Variants in KCTD8 observed in about 807,000 individuals in gnomAD.
The protein encoded by KCTD8 is potassium channel tetramerization domain containing 8, also known as BTB/POZ domain-containing protein KCTD8.
Under a neutral mutation model 31.5 loss-of-function variants are expected in KCTD8, and 27 were observed. That is an observed-to-expected ratio of 0.86 (90% CI 0.63 to 1.18). The LOEUF (loss-of-function observed/expected upper bound fraction) is 1.18. Ranked by LOEUF, KCTD8 falls within the 50% of genes most tolerant of loss-of-function variation. KCTD8 has a pLI of 0.00. For synonymous variants in KCTD8, 290 were observed against 280.0 expected (o/e 1.04, Z -0.36); for missense variants, 658 against 647.7 (o/e 1.02, Z -0.17).
At chr4:44,228,078 T>C (rs530099702) in intron 1 of KCTD8, among the ~76,000 whole-genome samples, 2 of 152,322 alleles carry the variant, frequency 1.3e-5, no homozygotes, top group South Asian at 4.1e-4. Context: ...TGGCCTCATC[T>C]ATCTTTCCAG....
At chr4:44,336,364 T>C (rs1324688726) in intron 1 of KCTD8, among the ~76,000 whole-genome samples, 4 of 151,594 alleles carry the variant, frequency 2.6e-5, no homozygotes, top group East Asian at 3.9e-4. Flanking sequence ...CTTCACAGAA[T>C]TGAAAATTTA....
chr4:44,300,890 C>A (rs1418599767), intron 1 of KCTD8, among the ~76,000 whole-genome samples: 2 of 139,420 alleles, frequency 1.4e-5, no homozygotes, highest in African/African-American at 5.3e-5. Context: ...CAACAGTCCC[C>A]AGAGTGTGAT....
chr4:44,432,457 T>A (rs967785790), intron 1 of KCTD8, among the ~76,000 whole-genome samples: 1 of 151,686 alleles, frequency 6.6e-6, no homozygotes, highest in Non-Finnish European at 1.5e-5. Flanking sequence ...GGAAGTGTCT[T>A]AGAGAATAGC....
intron 1 of KCTD8, chr4:44,293,400 T>C (rs1473150894): frequency 6.6e-6 from 3 of 454,196 alleles, no homozygotes; most frequent in Non-Finnish European, 1.3e-5. Context: ...AGTATTAACC[T>C]TACCTGCTGC....
intron 1 of KCTD8, among the ~76,000 whole-genome samples, chr4:44,445,350 G>T (rs1721913531): frequency 6.6e-6 from 1 of 152,124 alleles, no homozygotes; most frequent in South Asian, 2.1e-4. Context: ...ATCTGGAATT[G>T]CATATTTTCT....
At chr4:44,230,120 T>C (rs1398540046) in intron 1 of KCTD8, among the ~76,000 whole-genome samples, 3 of 152,186 alleles carry the variant, frequency 2.0e-5, no homozygotes, top group African/African-American at 7.2e-5. Context: ...ATTCTTTCTT[T>C]TGAGGAGGCA....
intron 1 of KCTD8, among the ~76,000 whole-genome samples, chr4:44,373,339 G>A (rs760355931): frequency 3.3e-5 from 5 of 151,504 alleles, no homozygotes; most frequent in African/African-American, 4.9e-5. Flanking sequence ...CCAACCTGGT[G>A]ACAGAGCGAG....
chr4:44,379,848 G>C (rs1720014889), intron 1 of KCTD8, among the ~76,000 whole-genome samples: 1 of 152,014 alleles, frequency 6.6e-6, no homozygotes, highest in South Asian at 2.1e-4. Flanking sequence ...CAATTACACA[G>C]ACCTGACTTA....
At chr4:44,204,192 GA>G (rs1225704919) in intron 1 of KCTD8, among the ~76,000 whole-genome samples, 1 of 151,926 alleles carries the variant, frequency 6.6e-6, no homozygotes, top group South Asian at 2.1e-4. Flanking sequence ...AAATTGGGAA[GA>G]AAAAAACCTT....
intron 1 of KCTD8, among the ~76,000 whole-genome samples, chr4:44,434,567 C>G (rs1721596347): frequency 6.6e-6 from 1 of 151,982 alleles, no homozygotes; most frequent in African/African-American, 2.4e-5. Flanking sequence ...AGCTTCCCTA[C>G]TTAAATCAAT....
intron 1 of KCTD8, among the ~76,000 whole-genome samples, chr4:44,442,096 G>C (rs1161222004): frequency 6.6e-6 from 1 of 151,884 alleles, no homozygotes; most frequent in African/African-American, 2.4e-5. Context: ...TTTTATCTAT[G>C]TGTACACAGA....
intron 1 of KCTD8, among the ~76,000 whole-genome samples, chr4:44,442,853 G>C (rs1039375560): frequency 6.6e-6 from 1 of 151,688 alleles, no homozygotes; most frequent in Non-Finnish European, 1.5e-5. Flanking sequence ...GTCAAATAAA[G>C]CTTGTAGCCA....
chr4:44,191,312 C>T (rs185686704), intron 1 of KCTD8, among the ~76,000 whole-genome samples: 3 of 152,152 alleles, frequency 2.0e-5, no homozygotes, highest in South Asian at 2.1e-4. Flanking sequence ...GTTAACTGTA[C>T]AAATTGATTG....
intron 1 of KCTD8, chr4:44,293,623 T>A (rs535585994): frequency 5.8e-6 from 2 of 345,454 alleles, no homozygotes; most frequent in Admixed American, 8.3e-5. Context: ...CTTTAATTTT[T>A]TTTTTCTAGG....
chr4:44,397,170 T>C lies in KCTD8; in HGVS notation c.961+50393A>G, dbSNP rs570160728. 1.2e-4 allele frequency among the ~76,000 whole-genome samples: 19 copies of C among 152,262 alleles called. No homozygotes were observed. In the East Asian group the frequency reaches 3.3e-3, roughly 26 times the overall value. ...TGATTGATTGTACCTAACATAAAGA[T>C]ACCATGCCTAAACCTAAATGAATCA... On this transcript the variant is annotated intron_variant, in intron 1 of 1. Transcript: ENST00000360029.
intron 1 of KCTD8, among the ~76,000 whole-genome samples, chr4:44,415,822 G>T (rs1486126976): frequency 1.3e-5 from 2 of 152,214 alleles, no homozygotes; most frequent in African/African-American, 2.4e-5. Flanking sequence ...TGTTACAGGG[G>T]TGAAGCACCC....
chr4:44,269,518 A>T (rs1716507513), intron 1 of KCTD8, among the ~76,000 whole-genome samples: 1 of 151,620 alleles, frequency 6.6e-6, no homozygotes, highest in Non-Finnish European at 1.5e-5. Context: ...AGCAATGGCA[A>T]CAAAAGCCAA....
intron 1 of KCTD8, among the ~76,000 whole-genome samples, chr4:44,340,097 G>A (rs1718856246): frequency 6.6e-6 from 1 of 151,398 alleles, no homozygotes; most frequent in Non-Finnish European, 1.5e-5. Flanking sequence ...AAAAGGGTGT[G>A]GAGAAACAGA....
chr4:44,189,295 A>G (rs1249344333), intron 1 of KCTD8, among the ~76,000 whole-genome samples: 1 of 152,136 alleles, frequency 6.6e-6, no homozygotes, highest in African/African-American at 2.4e-5. Context: ...CACTAAATCT[A>G]TTTCTACCTT....
Sources: allele counts gnomAD v4.1 joint callset (sites outside exome capture counted in the v4.1 genomes callset), GRCh38; gene constraint gnomAD v4.1.1; transcripts MANE v1.5; gene names NCBI Gene and HGNC (gene_info 2026-07-23, HGNC 2026-07-21).